DENND11: variants seen among roughly 807,000 people sequenced by gnomAD.
DENND11 encodes DENN domain-containing protein 11.
DENND11 carries 34 observed loss-of-function variants against 49.2 expected under a neutral mutation model. That is an observed-to-expected ratio of 0.69 (90% CI 0.53 to 0.92). The LOEUF is 0.92. Among genes scored for constraint, DENND11 ranks in the 40% least tolerant of loss-of-function variants. The pLI is 0.00. For missense variants in DENND11, 475 were observed against 581.6 expected, an observed-to-expected ratio of 0.82 and a Z score of 1.88; for synonymous variants, 238 against 230.3, an observed-to-expected ratio of 1.03 and a Z score of -0.30.
chr7:141,692,569 T>C lies in DENND11; in HGVS notation c.269-5911A>G, dbSNP rs1798344244. Among the ~76,000 whole-genome samples the C allele has an allele frequency of 3.9e-5, 6 of 152,070 alleles. No individual in the cohort carries two copies. The South Asian group carries it at 1.2e-3, about 32-fold the overall frequency. On this transcript the variant is annotated intron_variant, in intron 1 of 8. Transcript: ENST00000536163. ...TAAATGGTGCTGAAACAAGTGGACA[T>C]CTACATGCAAAGCAATGAAACTAGA...
intron 3 of DENND11, among the ~76,000 whole-genome samples, chr7:141,684,373 G>A (rs1798196957): frequency 1.3e-5 from 2 of 152,132 alleles, no homozygotes; most frequent in South Asian, 4.2e-4. Flanking sequence ...TTTACTTGAA[G>A]TTATAAGTCA....
intron 4 of DENND11, among the ~76,000 whole-genome samples, chr7:141,668,222 G>T (rs1230684755): frequency 6.6e-6 from 1 of 152,190 alleles, no homozygotes; most frequent in Non-Finnish European, 1.5e-5. Context: ...CAAACTGGAG[G>T]GTGCCTGATC....
rs149674859 is a variant in DENND11, at chr7:141,670,619, G to A, written c.681+3448C>T. ...TGGGTTTATTAGGATGTAGCCCCAC[G>A]TTAAGTCAAGAAGCTCCTTAAGACT... On this transcript the variant is annotated intron_variant, in intron 4 of 8. Transcript: ENST00000536163. 2.6e-5 allele frequency among the ~76,000 whole-genome samples: 4 copies of A among 152,294 alleles called. No homozygotes were observed. The East Asian group carries it at 5.8e-4, about 22-fold the overall frequency.
At chr7:141,681,915 G>A (rs1335794508) in intron 3 of DENND11, among the ~76,000 whole-genome samples, 1 of 152,126 alleles carries the variant, frequency 6.6e-6, no homozygotes, top group Non-Finnish European at 1.5e-5. Context: ...AATGGACAAG[G>A]GATTCTACAC....
intron 4 of DENND11, among the ~76,000 whole-genome samples, chr7:141,672,892 C>G (rs1177638247): frequency 6.6e-6 from 1 of 152,192 alleles, no homozygotes; most frequent in African/African-American, 2.4e-5. Flanking sequence ...CCTACATGGT[C>G]TCTTTACCCG....
intron 1 of DENND11, among the ~76,000 whole-genome samples, chr7:141,689,658 C>T (rs1460734036): frequency 6.6e-6 from 1 of 152,276 alleles, no homozygotes; most frequent in African/African-American, 2.4e-5. Flanking sequence ...CCAAAGTAAA[C>T]ATATTTGTGT....
chr7:141,696,676 A>C (rs967538635), intron 1 of DENND11, among the ~76,000 whole-genome samples: 4 of 152,212 alleles, frequency 2.6e-5, no homozygotes, highest in Admixed American at 1.3e-4. Flanking sequence ...CAGGAAGTCA[A>C]AACAAATCCT....
chr7:141,671,053 A>C (rs1797972723), intron 4 of DENND11, among the ~76,000 whole-genome samples: 1 of 152,168 alleles, frequency 6.6e-6, no homozygotes, highest in Non-Finnish European at 1.5e-5. Context: ...GCTCTAATTC[A>C]CTACTCACTA....
Position 141,669,357 on chromosome 7 carries a change from C to T in DENND11, c.682-2932G>A, listed in dbSNP as rs1446130200. Among the ~76,000 whole-genome samples, 19 of 149,924 alleles carry T rather than the reference C, an allele frequency of 1.3e-4. No individual in the cohort carries two copies. The Admixed American group carries it at 1.3e-3, about 10-fold the overall frequency. On this transcript the variant is annotated intron_variant, in intron 4 of 8. Transcript: ENST00000536163. ...CCGCCTCCTGGGTTCATGCAATTAT[C>T]CTGCCTCAGCCTCCCAAGTAGCTGG...
rs1224376183 is a variant in DENND11 at position 141,657,960 on chromosome 7, C to G, written c.*4696G>C. 6.6e-6 allele frequency: 1 copy of G among 152,564 alleles called. No homozygotes were observed. The highest frequency in any genetic ancestry group is 1.5e-5 in the Non-Finnish European group (1 of 68,032). The allele number at this position is 152,564 out of a possible 1,614,324, so 9.5% of individuals were successfully genotyped here. On this transcript the variant is annotated 3_prime_UTR_variant, in exon 9 of 9. Coordinates refer to ENST00000536163, the MANE Select transcript of DENND11 (RefSeq NM_001080392.2). ...TACCCTTTTTTGTACTAGAGCTTTA[C>G]TGAAGGTTGGTATTTTTATGTCAAC... is the stretch of plus-strand genomic sequence containing the variant.
intron 4 of DENND11, among the ~76,000 whole-genome samples, chr7:141,668,747 C>A (rs1797932926): frequency 6.6e-6 from 1 of 152,256 alleles, no homozygotes; most frequent in African/African-American, 2.4e-5. Context: ...ACAGGGCCAC[C>A]TCCTTTCTTC....
Position 141,666,318 on chromosome 7 carries a change from A to T in DENND11, c.789T>A (p.Ser263=). Reference sequence around the variant, plus strand: ...AGCACACCACGCCCACAGGTGGGGGAGAAAATATCAAAATGCGCTTTCGAA... The same window carrying T: ...AGCACACCACGCCCACAGGTGGGGGTGAAAATATCAAAATGCGCTTTCGAA... ...ALLRKRILIF[S]PPPVGVVCYR... is the part of the protein sequence containing the mutation. The change falls in exon 5 of 9, where the codon TCT becomes TCA. Residue 263 remains serine, a synonymous_variant. Transcript: ENST00000536163. 6.2e-7 allele frequency: 1 copy of T among 1,613,084 alleles called. No individual in the cohort carries two copies. Among genetic ancestry groups the T allele is most frequent in the Non-Finnish European group, 8.5e-7 (1 of 1,179,406 alleles).
rs1797790546 is a variant in DENND11 at position 141,661,400 on chromosome 7, C to T, written c.*1256G>A. Reference sequence around the variant, plus strand: ...AGAGAACAGGCAGGTGGCAACAGGACCCAGCCTAGAGCAGAGCACTTCAGA... The same window carrying T: ...AGAGAACAGGCAGGTGGCAACAGGATCCAGCCTAGAGCAGAGCACTTCAGA... On this transcript the variant is annotated 3_prime_UTR_variant, in exon 9 of 9. Coordinates refer to ENST00000536163, the MANE Select transcript of DENND11 (RefSeq NM_001080392.2). 1 of 152,206 alleles carries T rather than the reference C, an allele frequency of 6.6e-6. No homozygotes were observed. The highest frequency in any genetic ancestry group is 6.5e-5 in the Admixed American group (1 of 15,278). 9.4% of individuals were successfully genotyped at this position (152,206 alleles called of 1,614,324 possible). A position where few individuals can be genotyped will look rare whatever the true frequency, so the allele number is the denominator to read the frequency against.
intron 3 of DENND11, among the ~76,000 whole-genome samples, chr7:141,681,666 C>T (rs1374491150): frequency 6.6e-6 from 1 of 152,126 alleles, no homozygotes; most frequent in Non-Finnish European, 1.5e-5. Flanking sequence ...AGCAAACAAA[C>T]GAGAAGTCAA....
At position 141,686,619 on chromosome 7, in the gene DENND11, A is replaced by AG; in HGVS notation, c.307dup (p.Leu103ProfsTer2). On this transcript the variant is annotated frameshift_variant, in exon 2 of 9. Transcript: ENST00000536163. LOFTEE classifies it high-confidence loss of function. The stretch of plus-strand genomic sequence containing the variant: ...CATAGACTTGAACTCAACACCTTCA[A>AG]GGTCAATATCTTGAGGTAAGCACCA... 6.2e-7 allele frequency: 1 copy of AG among 1,613,396 alleles called. No homozygotes were observed. Among genetic ancestry groups the AG allele is most frequent in the Non-Finnish European group, 8.5e-7 (1 of 1,179,568 alleles).
At position 141,674,068 on chromosome 7, in the gene DENND11, T is replaced by G; in HGVS notation, c.680A>C (p.Lys227Thr). 1 of 1,605,516 alleles carries G rather than the reference T, an allele frequency of 6.2e-7. No individual in the cohort carries two copies. The highest frequency in any genetic ancestry group is 8.5e-7 in the Non-Finnish European group (1 of 1,176,206). ...TAAGAAAAGCAGGGCTAACCTCACC[T>G]TCATCTCAGGGTACATGTATCGGTG... The part of the protein sequence containing the change: ...SIHRYMYPEM[K>T]ITHPAGCMSQ... Residue 227 changes from lysine to threonine, a missense_variant and splice_region_variant, in exon 4 of 9, where the codon AAG becomes ACG. By Grantham distance (78) the Lys-to-Thr change is moderately conservative (BLOSUM62 -1). Transcript: ENST00000536163.
At chr7:141,678,123 A>T (rs1440448879) in intron 3 of DENND11, among the ~76,000 whole-genome samples, 5 of 152,014 alleles carry the variant, frequency 3.3e-5, no homozygotes, top group Non-Finnish European at 2.9e-5. Flanking sequence ...TGCCACGCCC[A>T]GCTAAGTTTT....
chr7:141,699,916 T>TCACACA (rs145606748), intron 1 of DENND11, among the ~76,000 whole-genome samples: 1,755 of 146,868 alleles, frequency 0.012, 36 homozygotes, highest in African/African-American at 0.039. Context: ...AAACCATCAC[T>TCACACA]CACACACACA....
intron 1 of DENND11, among the ~76,000 whole-genome samples, chr7:141,701,224 C>T (rs1411848725): frequency 1.3e-5 from 2 of 152,104 alleles, no homozygotes; most frequent in South Asian, 2.1e-4. Flanking sequence ...GAGGCTTCTC[C>T]TTTAATCAGC....
Sources: allele counts gnomAD v4.1 joint callset (sites outside exome capture counted in the v4.1 genomes callset), GRCh38; gene constraint gnomAD v4.1.1; transcripts MANE v1.5; gene names NCBI Gene and HGNC (gene_info 2026-07-23, HGNC 2026-07-21).